The following NELL1 variants were observed in gnomAD, a reference collection of about 807,000 sequenced individuals.
The protein encoded by NELL1 is neural EGFL like 1.
NELL1 carries 76 observed loss-of-function variants against 107.4 expected under a neutral mutation model. That is an observed-to-expected ratio of 0.71 (90% confidence interval 0.59 to 0.86). The LOEUF (loss-of-function observed/expected upper bound fraction) is 0.86. Ranked by LOEUF, NELL1 falls within the 40% of genes least tolerant of loss-of-function variation. NELL1 has a pLI of 0.00. For synonymous variants in NELL1, 353 were observed against 341.2 expected (o/e 1.03, Z -0.38); for missense variants, 1,024 against 1,005.5 (o/e 1.02, Z -0.25).
intron 12 of NELL1, among the ~76,000 whole-genome samples, chr11:20,998,350 T>A (rs890904566): frequency 1.3e-5 from 2 of 152,250 alleles, no homozygotes; most frequent in African/African-American, 4.8e-5. Flanking sequence ...ATTCTGCATT[T>A]AGTTTAGATA....
At chr11:21,516,604 T>C (rs182865034) in intron 15 of NELL1, among the ~76,000 whole-genome samples, 3 of 152,244 alleles carry the variant, frequency 2.0e-5, no homozygotes, top group East Asian at 3.9e-4. Flanking sequence ...CTGAATACTA[T>C]AGGCAATTGT....
chr11:20,818,003 A>G (rs1439361686), intron 3 of NELL1, among the ~76,000 whole-genome samples: 3 of 151,994 alleles, frequency 2.0e-5, no homozygotes, highest in Non-Finnish European at 2.9e-5. Context: ...TGCTTTATGG[A>G]AAAGCATGTG....
At chr11:20,864,932 T>A (rs923338041) in intron 4 of NELL1, among the ~76,000 whole-genome samples, 21 of 152,208 alleles carry the variant, frequency 1.4e-4, no homozygotes, top group African/African-American at 5.1e-4. Context: ...AACATCCTCA[T>A]TGGCAGGACA....
intron 3 of NELL1, among the ~76,000 whole-genome samples, chr11:20,805,160 T>TTTTCAC (rs1857355877): frequency 6.6e-6 from 1 of 152,112 alleles, no homozygotes; most frequent in African/African-American, 2.4e-5. Context: ...TCTATGTGTG[T>TTTTCAC]CTTTATAGGT....
At chr11:21,169,858 GGAAGAGT>G in intron 13 of NELL1, 1 of 1,416,948 alleles carries the variant, frequency 7.1e-7, no homozygotes, top group Non-Finnish European at 9.9e-7. Context: ...AGTCCCCCCA[GGAAGAGT>G]TGCCATGTCA....
intron 15 of NELL1, among the ~76,000 whole-genome samples, chr11:21,425,332 A>T (rs1852793638): frequency 6.6e-6 from 1 of 152,194 alleles, no homozygotes; most frequent in Non-Finnish European, 1.5e-5. Flanking sequence ...TCAATCAGTT[A>T]TGAAAATGGT....
At chr11:21,113,489 C>A in intron 12 of NELL1, 100 bp from the exon 13 acceptor site, 1 of 1,234,380 alleles carries the variant, frequency 8.1e-7, no homozygotes, top group Non-Finnish European at 1.1e-6. Flanking sequence ...TTTCTCTTGG[C>A]TTCTATGGAC....
At chr11:21,431,558 AT>A in intron 15 of NELL1, among the ~76,000 whole-genome samples, 1 of 152,330 alleles carries the variant, frequency 6.6e-6, no homozygotes, top group African/African-American at 2.4e-5. Flanking sequence ...AGGAGTTAAA[AT>A]TTTGACATTG....
intron 13 of NELL1, among the ~76,000 whole-genome samples, chr11:21,213,556 T>C (rs1437454707): frequency 6.6e-6 from 1 of 152,150 alleles, no homozygotes; most frequent in Non-Finnish European, 1.5e-5. Context: ...TGAATTGAAA[T>C]TTGAATTGAA....
At chr11:20,742,622 G>A (rs1404547263) in intron 2 of NELL1, among the ~76,000 whole-genome samples, 1 of 152,202 alleles carries the variant, frequency 6.6e-6, no homozygotes, top group African/African-American at 2.4e-5. Flanking sequence ...GCAGGCAAGA[G>A]AGCGTGTGCA....
intron 14 of NELL1, among the ~76,000 whole-genome samples, chr11:21,312,412 A>G (rs1849769226): frequency 6.6e-6 from 1 of 151,894 alleles, no homozygotes; most frequent in South Asian, 2.1e-4. Context: ...TTAAGTTAAC[A>G]CATTGCTTTC....
intron 16 of NELL1, among the ~76,000 whole-genome samples, chr11:21,536,218 A>C (rs1485428359): frequency 6.6e-6 from 1 of 152,178 alleles, no homozygotes; most frequent in African/African-American, 2.4e-5. Flanking sequence ...GGTAGTGAGC[A>C]TAGTACACAA....
At chr11:21,129,163 T>C (rs980488230) in intron 13 of NELL1, among the ~76,000 whole-genome samples, 21 of 152,168 alleles carry the variant, frequency 1.4e-4, no homozygotes, top group African/African-American at 4.8e-4. Flanking sequence ...CATTATTGTG[T>C]GTATGTGTGT....
At position 21,086,108 on chromosome 11, in the gene NELL1, C is replaced by T. The variant is rs565559771; in HGVS notation, c.1301-27481C>T. On this transcript the variant is annotated intron_variant, in intron 12 of 19. Coordinates refer to ENST00000357134, the MANE Select transcript of NELL1 (RefSeq NM_006157.5). ...ATGAACCAGGAAACTCTGTAAATTCCACGTATGACAGGTACCTTGCCCTCA... is the reference window on the plus strand; with the variant it reads ...ATGAACCAGGAAACTCTGTAAATTCTACGTATGACAGGTACCTTGCCCTCA... 4.6e-5 allele frequency among the ~76,000 whole-genome samples: 7 copies of T among 152,262 alleles called. No individual in the cohort carries two copies. The South Asian group carries it at 1.5e-3, about 32-fold the overall frequency.
At chr11:20,847,775 T>C in intron 4 of NELL1, 22 bp downstream of exon 4, 1 of 1,587,350 alleles carries the variant, frequency 6.3e-7, no homozygotes, top group Non-Finnish European at 8.6e-7. Context: ...TCTTTGAGTG[T>C]TGCTGATTCT....
intron 13 of NELL1, among the ~76,000 whole-genome samples, chr11:21,153,289 T>C (rs2133789575): frequency 6.6e-6 from 1 of 152,252 alleles, no homozygotes; most frequent in East Asian, 1.9e-4. Context: ...GTTTGGGGCC[T>C]TGTGTCTGAG....
chr11:21,094,809 C>T (rs1179848622), intron 12 of NELL1, among the ~76,000 whole-genome samples: 2 of 152,178 alleles, frequency 1.3e-5, no homozygotes, highest in African/African-American at 2.4e-5. Context: ...CCCACAAAAC[C>T]ATTTTCTTCT....
At chr11:21,179,438 A>C (rs575532801) in intron 13 of NELL1, among the ~76,000 whole-genome samples, 1 of 152,022 alleles carries the variant, frequency 6.6e-6, no homozygotes, top group East Asian at 1.9e-4. Context: ...GCAGGTTGGC[A>C]GAGGTGGCTG....
At chr11:21,242,794 G>C (rs538430510) in intron 14 of NELL1, among the ~76,000 whole-genome samples, 3 of 152,216 alleles carry the variant, frequency 2.0e-5, no homozygotes, top group South Asian at 4.1e-4. Flanking sequence ...CTCTGATGCT[G>C]CCAGTTTTAA....
Sources: allele counts gnomAD v4.1 joint callset (sites outside exome capture counted in the v4.1 genomes callset), GRCh38; gene constraint gnomAD v4.1.1; transcripts MANE v1.5; gene names NCBI Gene and HGNC (gene_info 2026-07-23, HGNC 2026-07-21).